Variants in CLSTN1 observed in about 807,000 individuals in gnomAD.
CLSTN1 encodes calsyntenin 1.
Under a neutral mutation model 108.3 loss-of-function variants are expected in CLSTN1, and 28 were observed. The ratio of observed to expected loss-of-function variants is 0.26; its 90% CI spans 0.19 to 0.35. CLSTN1 has a LOEUF of 0.35. Ranked by LOEUF, CLSTN1 falls within the 10% of genes least tolerant of loss-of-function variation. CLSTN1 has a pLI of 1.00. For synonymous variants in CLSTN1, 524 were observed against 534.9 expected, an observed-to-expected ratio of 0.98 and a Z score of 0.28; for missense variants, 1,157 against 1,302.6, an observed-to-expected ratio of 0.89 and a Z score of 1.72.
At chr1:9,761,869 G>T (rs1439573061) in intron 2 of CLSTN1, among the ~76,000 whole-genome samples, 2 of 152,302 alleles carry the variant, frequency 1.3e-5, no homozygotes, top group African/African-American at 4.8e-5. Flanking sequence ...TTAGCAAAAG[G>T]AAACTGATTG....
chr1:9,781,303 T>A, intron 1 of CLSTN1: 1 of 656,228 alleles, frequency 1.5e-6, no homozygotes, highest in Non-Finnish European at 2.7e-6. Context: ...GATTGCACTG[T>A]AGTCGAGAAT....
chr1:9,739,115 C>T lies in CLSTN1; in HGVS notation c.1520-1561G>A, dbSNP rs575218958. On this transcript the variant is annotated intron_variant, in intron 10 of 18. Transcript: ENST00000377298. Reference sequence around the variant, plus strand: ...AACCTCTGGGGTAACCTGAGGGTTCCATGAACTTGGATGGGAAAAATTACA... The same window carrying T: ...AACCTCTGGGGTAACCTGAGGGTTCTATGAACTTGGATGGGAAAAATTACA... Among the ~76,000 whole-genome samples, 5 of 152,224 alleles carry T rather than the reference C, an allele frequency of 3.3e-5. 1 individual carries two copies. Among genetic ancestry groups the T allele is most frequent in the Admixed American group, 3.3e-4 (5 of 15,280 alleles).
chr1:9,778,223 A>AACACACACACACACACACAC (rs57372437), intron 1 of CLSTN1, among the ~76,000 whole-genome samples: 8 of 134,502 alleles, frequency 5.9e-5, no homozygotes, highest in African/African-American at 1.4e-4. Context: ...TCTCCTCCCC[A>AACACACACACACACACACAC]ACACACACAC....
intron 4 of CLSTN1, among the ~76,000 whole-genome samples, chr1:9,754,441 C>A (rs900938498): frequency 2.6e-5 from 4 of 152,222 alleles, no homozygotes; most frequent in African/African-American, 7.2e-5. Flanking sequence ...CACCTGTAAT[C>A]CCAGCTACTC....
intron 1 of CLSTN1, among the ~76,000 whole-genome samples, chr1:9,773,955 TG>T (rs1279025836): frequency 6.6e-6 from 1 of 151,984 alleles, no homozygotes; most frequent in Non-Finnish European, 1.5e-5. Flanking sequence ...TTGCCCAGGC[TG>T]GTCTTGAACC....
At position 9,812,212 on chromosome 1, in the gene CLSTN1, C is replaced by T. The variant is rs566946899; in HGVS notation, c.91+11431G>A. ...CCCCCAGATCATACACAACCCTAGT[C>T]TTCTGTGAGCCTCTGTCTACCATCG... On this transcript the variant is annotated intron_variant, in intron 1 of 18. Coordinates refer to ENST00000377298, the MANE Select transcript of CLSTN1 (RefSeq NM_001009566.3). Among the ~76,000 whole-genome samples the T allele has an allele frequency of 2.6e-5, 4 of 152,274 alleles. No individual in the cohort carries two copies. The South Asian group carries it at 8.3e-4, about 32-fold the overall frequency.
rs760954799 is a variant in CLSTN1 at position 9,737,535 on chromosome 1, A to G, written c.1539T>C (p.Asn513=). The G allele has an allele frequency of 6.2e-7, 1 of 1,614,112 alleles. No homozygotes were observed. Among genetic ancestry groups the G allele is most frequent in the Admixed American group, 1.7e-5 (1 of 60,012 alleles). Residue 513 remains asparagine (N), a synonymous_variant, in exon 11 of 19, where the codon AAT becomes AAC. Coordinates refer to ENST00000377298, the MANE Select transcript of CLSTN1 (RefSeq NM_001009566.3). Reference sequence around the variant, plus strand: ...CAGTCACAGGCTCAGTTTCATTGTCATTTTCAACTCCTGAAAACTCTGTGG... The same window carrying G: ...CAGTCACAGGCTCAGTTTCATTGTCGTTTTCAACTCCTGAAAACTCTGTGG... The part of the protein sequence containing the change: ...ACWQEFSGVE[N]DNETEPVTVA...
At chr1:9,771,106 C>T (rs1652653485) in intron 2 of CLSTN1, among the ~76,000 whole-genome samples, 1 of 152,154 alleles carries the variant, frequency 6.6e-6, no homozygotes, top group Admixed American at 6.5e-5. Context: ...AAAGGAGGAC[C>T]TGAGGGAGCA....
chr1:9,731,011 C>A (rs764655465), intron 18 of CLSTN1, 195 bp downstream of exon 18: 1 of 671,034 alleles, frequency 1.5e-6, no homozygotes, highest in Non-Finnish European at 2.5e-6. Context: ...CTCTTCTCTA[C>A]ACTTAAGGCA....
At position 9,764,613 on chromosome 1, in the gene CLSTN1, G is replaced by A. The variant is rs79400069; in HGVS notation, c.215-8103C>T. On this transcript the variant is annotated intron_variant, in intron 2 of 18. Transcript: ENST00000377298. ...GATCCCGCTGCTGCATTCCAGCCTG[G>A]GTGATGAAGTGAGGCTCCATCTTTA... Among the ~76,000 whole-genome samples, 4,895 of 148,686 alleles carry A rather than the reference G, an allele frequency of 0.033. 797 individuals are homozygous for A. In the East Asian group the frequency reaches 0.52, roughly 16 times the overall value.
chr1:9,731,530 G>A (rs1570429157), intron 17 of CLSTN1, 140 bp from the exon 18 acceptor site: 1 of 1,047,520 alleles, frequency 9.5e-7, no homozygotes, highest in South Asian at 1.5e-5. Flanking sequence ...GGAAATACCA[G>A]GAAAAGCTCG....
intron 1 of CLSTN1, among the ~76,000 whole-genome samples, chr1:9,791,814 G>T (rs984358771): frequency 6.6e-6 from 1 of 151,288 alleles, no homozygotes; most frequent in Non-Finnish European, 1.5e-5. Flanking sequence ...GATTACAGGT[G>T]TGAGCCACCA....
rs747382655 is a variant in CLSTN1 at position 9,749,470 on chromosome 1, G to A, written c.976C>T (p.Arg326Trp). The A allele has an allele frequency of 2.4e-5, 39 of 1,610,762 alleles. No individual in the cohort carries two copies. In the East Asian group the frequency reaches 2.7e-4, roughly 11 times the overall value. ...RDTYSEKSLHRLCGAAAGTAE... is the reference protein window; with the variant it reads ...RDTYSEKSLHWLCGAAAGTAE... ...CGCCTGGTCTCCTTACCACAGAGCC[G>A]GTGGAGGGACTTCTCTGAGTAGGTG... is the stretch of plus-strand genomic sequence containing the variant. Residue 326 changes from arginine to tryptophan, a missense_variant, in exon 7 of 19, where the codon CGG becomes TGG. Arg to Trp is a moderately radical substitution (Grantham distance 101). Coordinates refer to ENST00000377298, the MANE Select transcript of CLSTN1 (RefSeq NM_001009566.3).
intron 1 of CLSTN1, among the ~76,000 whole-genome samples, chr1:9,773,821 C>T (rs1055728888): frequency 6.6e-6 from 1 of 152,162 alleles, no homozygotes; most frequent in Non-Finnish European, 1.5e-5. Context: ...GCAGCCTCAA[C>T]CTCCCAGGTT....
chr1:9,800,944 TAAATA>T (rs1398920232), intron 1 of CLSTN1, among the ~76,000 whole-genome samples: 1 of 145,946 alleles, frequency 6.9e-6, no homozygotes, highest in African/African-American at 2.6e-5. Flanking sequence ...GTCTCAAAAA[TAAATA>T]AATAAATAAA....
chr1:9,756,481 C>T lies in CLSTN1; in HGVS notation c.244G>A (p.Gly82Ser). 1 of 1,612,114 alleles carries T rather than the reference C, an allele frequency of 6.2e-7. No individual in the cohort carries two copies. The highest frequency in any genetic ancestry group is 1.1e-5 in the South Asian group (1 of 91,022). The change falls in exon 3 of 19, where the codon GGT (glycine) becomes AGT (serine). Residue 82 changes from glycine (G) to serine (S), a missense_variant and splice_region_variant. Transcript: ENST00000377298. Reference sequence around the variant, plus strand: ...AGGGGAAGAAAGAACCCTTTATCACCTTCTTTGGTGACTGTCACCTCAAAA... The same window carrying T: ...AGGGGAAGAAAGAACCCTTTATCACTTTCTTTGGTGACTGTCACCTCAAAA... ...ESFEVTVTKE[G>S]EICGFKIHGQ...
intron 3 of CLSTN1, 48 bp downstream of exon 3, chr1:9,756,433 G>C: frequency 6.5e-7 from 1 of 1,526,940 alleles, no homozygotes; most frequent in Non-Finnish European, 9.1e-7. Context: ...TATAAACAAA[G>C]TTAGTGGGTT....
At position 9,743,952 on chromosome 1, in the gene CLSTN1, G is replaced by A; in HGVS notation, c.1288C>T (p.Leu430Phe). 6.2e-7 allele frequency: 1 copy of A among 1,614,212 alleles called. No homozygotes were observed. The highest frequency in any genetic ancestry group is 8.5e-7 in the Non-Finnish European group (1 of 1,180,032). ...TCCTCAGAAGGATCCTGACGGAAGAGGAAGATCAGCCGGCACCCGTGGACA... is the reference window on the plus strand; with the variant it reads ...TCCTCAGAAGGATCCTGACGGAAGAAGAAGATCAGCCGGCACCCGTGGACA... Reference protein sequence around the residue: ...LYVHGCRLIFLFRQDPSEEKK... With the variant: ...LYVHGCRLIFFFRQDPSEEKK... The change falls in exon 9 of 19, where the codon CTC (leucine) becomes TTC (phenylalanine). Residue 430 changes from leucine to phenylalanine, a missense_variant. By Grantham distance (22) the Leu-to-Phe change is conservative. Transcript: ENST00000377298.
chr1:9,785,562 T>C (rs1005367450), intron 1 of CLSTN1, among the ~76,000 whole-genome samples: 11 of 152,134 alleles, frequency 7.2e-5, no homozygotes, highest in Non-Finnish European at 1.5e-4. Context: ...TTCAGCAGCA[T>C]CCCGGCCTCA....
Sources: allele counts gnomAD v4.1 joint callset (sites outside exome capture counted in the v4.1 genomes callset), GRCh38; gene constraint gnomAD v4.1.1; transcripts MANE v1.5; gene names NCBI Gene and HGNC (gene_info 2026-07-23, HGNC 2026-07-21).